ENPEP: variants seen among roughly 807,000 people sequenced by gnomAD.
The protein encoded by ENPEP is AP-A.
ENPEP carries 103 observed loss-of-function variants against 114.5 expected under a neutral mutation model. That is an observed-to-expected ratio of 0.90 (90% CI 0.77 to 1.06). The LOEUF (loss-of-function observed/expected upper bound fraction) is 1.06. Among genes scored for constraint, ENPEP ranks in the 50% least tolerant of loss-of-function variants. The pLI, the probability that ENPEP is intolerant of heterozygous loss-of-function variation, is 0.00. For synonymous variants in ENPEP, 420 were observed against 422.0 expected (o/e 1.00, Z 0.06); for missense variants, 1,196 against 1,161.3 (o/e 1.03, Z -0.43).
intron 10 of ENPEP, among the ~76,000 whole-genome samples, chr4:110,524,467 A>G (rs1315350427): frequency 1.3e-5 from 2 of 152,212 alleles, no homozygotes; most frequent in Admixed American, 1.3e-4. Context: ...CTTCTAAACA[A>G]CACTAGCTAA....
chr4:110,506,266 TATGG>T (rs1725367147), intron 3 of ENPEP: 3 of 163,890 alleles, frequency 1.8e-5, no homozygotes, highest in Admixed American at 1.2e-4. Context: ...TAGGTGGGTA[TATGG>T]ATGGATGAAT....
Position 110,476,354 on chromosome 4 carries a change from TGAC to T in ENPEP, c.-59_-57del, listed in dbSNP as rs1158388711. 1 of 1,491,818 alleles carries T rather than the reference TGAC, an allele frequency of 6.7e-7. No homozygotes were observed. Among genetic ancestry groups the T allele is most frequent in the African/African-American group, 1.4e-5 (1 of 71,368 alleles). 92.4% of individuals were successfully genotyped at this position (1,491,818 alleles called of 1,614,324 possible). On this transcript the variant is annotated 5_prime_UTR_variant, in exon 1 of 20. Coordinates refer to ENST00000265162, the MANE Select transcript of ENPEP (RefSeq NM_001977.4). ...CTTCCAATTTAAAAAGGAAGTCTGC[TGAC>T]GTTAGTTAGTTAAATTTAACATCTT...
intron 2 of ENPEP, 43 bp downstream of exon 2, chr4:110,488,725 GACA>G (rs781566350): frequency 9.5e-6 from 15 of 1,579,788 alleles, no homozygotes; most frequent in Non-Finnish European, 1.2e-5. Context: ...AGAGTCTGTT[GACA>G]ACATTAGGCC....
intron 6 of ENPEP, among the ~76,000 whole-genome samples, chr4:110,510,649 C>T (rs950214963): frequency 6.6e-6 from 1 of 150,740 alleles, no homozygotes; most frequent in Non-Finnish European, 1.5e-5. Flanking sequence ...AAAATGTTAA[C>T]TCTGTGTTCC....
At chr4:110,546,340 T>C (rs1332909209) in intron 13 of ENPEP, among the ~76,000 whole-genome samples, 2 of 151,442 alleles carry the variant, frequency 1.3e-5, no homozygotes, top group Non-Finnish European at 2.9e-5. Flanking sequence ...CTTGCTACAA[T>C]AGTTTTTGTT....
intron 8 of ENPEP, among the ~76,000 whole-genome samples, chr4:110,516,288 A>T (rs368078783): frequency 6.6e-6 from 1 of 152,206 alleles, no homozygotes; most frequent in South Asian, 2.1e-4. Flanking sequence ...ATTCCAGGAG[A>T]TGTTTCTGTT....
At chr4:110,517,851 T>A (rs908144965) in intron 8 of ENPEP, among the ~76,000 whole-genome samples, 57 of 152,336 alleles carry the variant, frequency 3.7e-4, no homozygotes, top group Middle Eastern at 3.4e-3. Context: ...ATGATCGATA[T>A]GGACCACATC....
intron 11 of ENPEP, among the ~76,000 whole-genome samples, chr4:110,532,133 A>G (rs376939984): frequency 1.3e-5 from 2 of 152,316 alleles, no homozygotes; most frequent in African/African-American, 4.8e-5. Flanking sequence ...AGCTTTACTG[A>G]GATATAATTC....
Position 110,521,283 on chromosome 4 carries a change from C to T in ENPEP, c.1727+917C>T, listed in dbSNP as rs980712166. ...TAGTCAGGAGGCTGAGGCATGAAGA[C>T]GACTTGAGTCATCTCAAGTCAGGAG... is the stretch of plus-strand genomic sequence containing the variant. On this transcript the variant is annotated intron_variant, in intron 10 of 19. Coordinates refer to ENST00000265162, the MANE Select transcript of ENPEP (RefSeq NM_001977.4). Among the ~76,000 whole-genome samples the T allele has an allele frequency of 1.8e-4, 28 of 152,116 alleles. 1 individual carries two copies. Among genetic ancestry groups the T allele is most frequent in the South Asian group, 4.2e-4 (2 of 4,812 alleles).
At chr4:110,560,543 A>G (rs994302715) in intron 19 of ENPEP, among the ~76,000 whole-genome samples, 1 of 152,204 alleles carries the variant, frequency 6.6e-6, no homozygotes, top group African/African-American at 2.4e-5. Context: ...AAACAATTCA[A>G]AGAGCCTCTA....
At chr4:110,506,520 A>G in intron 3 of ENPEP, 117 bp from the exon 4 acceptor site, 2 of 1,068,460 alleles carry the variant, frequency 1.9e-6, no homozygotes, top group Non-Finnish European at 2.6e-6. Context: ...TGGAATTCAA[A>G]TTAGACATAT....
intron 3 of ENPEP, 139 bp from the exon 4 acceptor site, chr4:110,506,498 A>G (rs1428810497): frequency 8.7e-6 from 7 of 803,266 alleles, no homozygotes; most frequent in Non-Finnish European, 1.3e-5. Context: ...ACACGCTAGT[A>G]TGAGGCAGAA....
intron 10 of ENPEP, among the ~76,000 whole-genome samples, chr4:110,525,796 A>C (rs1339504624): frequency 6.6e-6 from 1 of 152,190 alleles, no homozygotes; most frequent in Non-Finnish European, 1.5e-5. Flanking sequence ...TTCCATTTGG[A>C]AAGTTTCACA....
rs138895870 is a variant in ENPEP, at chr4:110,522,495, A to C, written c.1727+2129A>C. On this transcript the variant is annotated intron_variant, in intron 10 of 19. Coordinates refer to ENST00000265162, the MANE Select transcript of ENPEP (RefSeq NM_001977.4). ...CGTGCTCAGCCAATAGGCGTTCTTT[A>C]AAAGGAAAACAGAGAAACTTGGAGG... 1.3e-3 allele frequency among the ~76,000 whole-genome samples: 204 copies of C among 152,238 alleles called. 1 individual carries two copies. The highest frequency in any genetic ancestry group is 4.7e-3 in the African/African-American group (195 of 41,532).
At chr4:110,530,441 C>T (rs886346864) in intron 10 of ENPEP, among the ~76,000 whole-genome samples, 13 of 152,062 alleles carry the variant, frequency 8.5e-5, no homozygotes, top group African/African-American at 2.4e-4. Context: ...GCCAATGGTA[C>T]GTAGATTCAC....
chr4:110,506,676 G>A lies in ENPEP; in HGVS notation c.958G>A (p.Glu320Lys), dbSNP rs376732795. ...CCAGCCAGAGCAAAAGCACACAGCC[G>A]AATATGCTGCAAACATAACTAAAAG... Reference protein sequence around the residue: ...YVQPEQKHTAEYAANITKSVF... With the variant: ...YVQPEQKHTAKYAANITKSVF... Residue 320 changes from glutamate (E) to lysine (K), a missense_variant, in exon 4 of 20, where the codon GAA (glutamate) becomes AAA (lysine). Transcript: ENST00000265162. 19 of 1,612,030 alleles carry A rather than the reference G, an allele frequency of 1.2e-5. No homozygotes were observed. The highest frequency in any genetic ancestry group is 8.8e-5 in the South Asian group (8 of 90,632).
intron 8 of ENPEP, among the ~76,000 whole-genome samples, chr4:110,518,633 CA>C (rs979721919): frequency 1.3e-5 from 2 of 152,168 alleles, no homozygotes; most frequent in African/African-American, 4.8e-5. Context: ...AAAGCAGTAA[CA>C]ACAATAACAG....
intron 13 of ENPEP, among the ~76,000 whole-genome samples, chr4:110,543,499 G>A (rs1277125227): frequency 6.6e-6 from 1 of 152,078 alleles, no homozygotes; most frequent in African/African-American, 2.4e-5. Flanking sequence ...GGTCACTGGG[G>A]TAAGAAGAAT....
intron 1 of ENPEP, 68 bp from the exon 2 acceptor site, chr4:110,488,473 G>T (rs1724582739): frequency 1.4e-6 from 2 of 1,461,290 alleles, no homozygotes; most frequent in South Asian, 1.5e-5. Flanking sequence ...TTTCCCCTAG[G>T]AATAGAGACA....
Sources: gnomAD v4.1 joint callset for allele counts (sites outside exome capture counted in the v4.1 genomes callset) on GRCh38, gnomAD v4.1.1 for gene constraint, MANE v1.5 for transcripts, NCBI Gene and HGNC (gene_info 2026-07-23, HGNC 2026-07-21) for gene names.